The following CDYL2 variants were observed in gnomAD, a reference collection of about 807,000 sequenced individuals.
CDYL2 encodes the protein chromodomain Y like 2.
In CDYL2, 23 loss-of-function variants were observed where a neutral mutation model predicts 49.4. The ratio of observed to expected loss-of-function variants is 0.47; its 90% CI spans 0.34 to 0.66. The LOEUF (loss-of-function observed/expected upper bound fraction) is 0.66. CDYL2 is among the 30% of genes least tolerant of loss of function. The pLI, the probability that CDYL2 is intolerant of heterozygous loss-of-function variation, is 0.01. For synonymous variants in CDYL2, 360 were observed against 268.8 expected, an observed-to-expected ratio of 1.34 and a Z score of -3.32; for missense variants, 678 against 656.4, an observed-to-expected ratio of 1.03 and a Z score of -0.36.
intron 1 of CDYL2, among the ~76,000 whole-genome samples, chr16:80,772,374 C>A (rs1017666354): frequency 6.6e-6 from 1 of 152,150 alleles, no homozygotes; most frequent in Non-Finnish European, 1.5e-5. Context: ...TCAAAAACAA[C>A]AGCACTTAAG....
chr16:80,724,609 T>C (rs150074967), intron 1 of CDYL2, among the ~76,000 whole-genome samples: 151 of 152,336 alleles, frequency 9.9e-4, no homozygotes, highest in African/African-American at 3.2e-3. Context: ...TCAGTGTGTA[T>C]TGCCTGTAAT....
chr16:80,676,176 C>A (rs1052306941), intron 2 of CDYL2, among the ~76,000 whole-genome samples: 1 of 152,184 alleles, frequency 6.6e-6, no homozygotes, highest in East Asian at 1.9e-4. Context: ...TTAACACCAC[C>A]ACATCAAAGG....
intron 2 of CDYL2, among the ~76,000 whole-genome samples, chr16:80,682,021 G>C (rs1208580090): frequency 6.6e-6 from 1 of 152,214 alleles, no homozygotes; most frequent in Non-Finnish European, 1.5e-5. Flanking sequence ...AAATGCGGTA[G>C]AGTCACCCAG....
At chr16:80,729,781 C>G (rs1905269298) in intron 1 of CDYL2, among the ~76,000 whole-genome samples, 1 of 152,112 alleles carries the variant, frequency 6.6e-6, no homozygotes, top group Non-Finnish European at 1.5e-5. Context: ...CAAACTAGAA[C>G]TCAGGATTAA....
At chr16:80,784,718 G>C (rs566173157) in intron 1 of CDYL2, among the ~76,000 whole-genome samples, 10 of 152,322 alleles carry the variant, frequency 6.6e-5, no homozygotes, top group Non-Finnish European at 1.3e-4. Context: ...CAGTGACCAA[G>C]ACAGATGTGA....
At chr16:80,664,208 T>A (rs6564778) in intron 2 of CDYL2, among the ~76,000 whole-genome samples, 78,239 of 151,994 alleles carry the variant, frequency 0.51, 22,975 homozygotes, top group African/African-American at 0.8. Flanking sequence ...TCTTGCCCCA[T>A]AAACACCTTA....
intron 1 of CDYL2, among the ~76,000 whole-genome samples, chr16:80,788,207 T>A (rs1907497372): frequency 6.6e-6 from 1 of 152,186 alleles, no homozygotes; most frequent in African/African-American, 2.4e-5. Flanking sequence ...TTCTCACTGC[T>A]AAAGTTGAGT....
At chr16:80,691,891 C>T (rs559834610) in intron 1 of CDYL2, among the ~76,000 whole-genome samples, 2 of 152,170 alleles carry the variant, frequency 1.3e-5, no homozygotes, top group East Asian at 3.9e-4. Flanking sequence ...AGAGAAAACG[C>T]AAGCAAGGGA....
chr16:80,642,421 T>G (rs1908138758), intron 2 of CDYL2, among the ~76,000 whole-genome samples: 1 of 152,202 alleles, frequency 6.6e-6, no homozygotes, highest in African/African-American at 2.4e-5. Context: ...TAGCCTGGGT[T>G]AACGGAGCGA....
In CDYL2 at chr16:80,612,726, GC is replaced by G. The variant is rs1186176874; in HGVS notation, c.1117del (p.Ala373ProfsTer84). 1.2e-6 allele frequency: 2 copies of G among 1,613,556 alleles called. No individual in the cohort carries two copies. The highest frequency in any genetic ancestry group is 1.7e-6 in the Non-Finnish European group (2 of 1,179,998). ...SILPLCDIVW[A>X]SEKAWFQTPY... is the part of the protein sequence containing the mutation. Reference sequence around the variant, plus strand: ...CGTCTGGAACCAGGCCTTCTCACTGGCCCACACGATGTCACAGAGGGGCAGG... The same window carrying G: ...CGTCTGGAACCAGGCCTTCTCACTGGCCACACGATGTCACAGAGGGGCAGG... On this transcript the variant is annotated frameshift_variant, in exon 5 of 7. Transcript: ENST00000570137. LOFTEE classifies it high-confidence loss of function. This position sits in a 1 kb window ranked among gnomAD's most constrained non-coding sequence, Gnocchi z 5.0.
chr16:80,748,054 G>A (rs955754783), intron 1 of CDYL2, among the ~76,000 whole-genome samples: 1 of 151,190 alleles, frequency 6.6e-6, no homozygotes, highest in Non-Finnish European at 1.5e-5. Flanking sequence ...TGACCAGAAT[G>A]TTACACACAG....
In CDYL2 at chr16:80,604,518, C is replaced by A. The variant is rs761338715; in HGVS notation, c.1391G>T (p.Arg464Leu). The change falls in exon 7 of 7, where the codon CGG becomes CTG. Residue 464 changes from arginine to leucine, a missense_variant. Arg to Leu is a moderately radical substitution (Grantham distance 102, BLOSUM62 -2). Transcript: ENST00000570137. The stretch of plus-strand genomic sequence containing the variant: ...TTCCAGCACTGATTTCAGGAAGCTC[C>A]GCACGAGGCATTTGGACTCCTCTAA... ...VVLEESKCLV[R>L]SFLKSVLEDV... 4 of 1,614,132 alleles carry A rather than the reference C, an allele frequency of 2.5e-6. No individual in the cohort carries two copies. The highest frequency in any genetic ancestry group is 2.5e-6 in the Non-Finnish European group (3 of 1,180,010).
chr16:80,714,823 C>G (rs919499321), intron 1 of CDYL2, among the ~76,000 whole-genome samples: 2 of 152,162 alleles, frequency 1.3e-5, no homozygotes, highest in Non-Finnish European at 2.9e-5. Flanking sequence ...ACGTGTTTCA[C>G]CAAAAGCTCC....
chr16:80,726,188 G>A (rs912858630), intron 1 of CDYL2, among the ~76,000 whole-genome samples: 18 of 152,140 alleles, frequency 1.2e-4, no homozygotes, highest in Admixed American at 5.2e-4. Context: ...CTATTTTTGC[G>A]TACATTTAAA....
chr16:80,604,928 T>C (rs1469936833), intron 6 of CDYL2, among the ~76,000 whole-genome samples: 1 of 152,212 alleles, frequency 6.6e-6, no homozygotes, highest in Non-Finnish European at 1.5e-5. Flanking sequence ...CAAGGATCAC[T>C]GAGAACACAG....
At chr16:80,792,455 G>A (rs1197492487) in intron 1 of CDYL2, among the ~76,000 whole-genome samples, 1 of 152,186 alleles carries the variant, frequency 6.6e-6, no homozygotes, top group Non-Finnish European at 1.5e-5. Context: ...TGTGCTGTGT[G>A]TTGCAATGGG....
chr16:80,701,458 T>C (rs899442827), intron 1 of CDYL2, among the ~76,000 whole-genome samples: 3 of 152,150 alleles, frequency 2.0e-5, no homozygotes, highest in Admixed American at 6.5e-5. Context: ...TAAAAATCAA[T>C]AAAAATATTT....
chr16:80,643,583 T>C (rs1194819912), intron 2 of CDYL2, among the ~76,000 whole-genome samples: 1 of 152,358 alleles, frequency 6.6e-6, no homozygotes, highest in Non-Finnish European at 1.5e-5. Flanking sequence ...TATCCACGCA[T>C]TTCCATACAT....
At chr16:80,802,732 G>A (rs935124926) in intron 1 of CDYL2, among the ~76,000 whole-genome samples, 1 of 152,160 alleles carries the variant, frequency 6.6e-6, no homozygotes, top group African/African-American at 2.4e-5. Context: ...TCACACAGGA[G>A]ACCTGTGCTC....
Sources: gnomAD v4.1 joint callset for allele counts (sites outside exome capture counted in the v4.1 genomes callset) on GRCh38, gnomAD v4.1.1 for gene constraint, Gnocchi (gnomAD v3.1) non-coding constraint, MANE v1.5 for transcripts, NCBI Gene and HGNC (gene_info 2026-07-23, HGNC 2026-07-21) for gene names.